The following SUMF1 variants were observed in gnomAD, a reference collection of about 807,000 sequenced individuals.
SUMF1 encodes sulfatase modifying factor 1.
A neutral mutation model predicts 47.6 loss-of-function variants in SUMF1; 48 were observed. The ratio of observed to expected loss-of-function variants is 1.01; its 90% CI spans 0.80 to 1.28. SUMF1 has a LOEUF of 1.28. Among genes scored for constraint, SUMF1 ranks in the 50% most tolerant of loss-of-function variants. The probability of loss-of-function intolerance (pLI) is 0.00; values close to 1 mark genes in which losing one functional copy is unlikely to be tolerated. For synonymous variants in SUMF1, 230 were observed against 192.1 expected, an observed-to-expected ratio of 1.20 and a Z score of -1.63; for missense variants, 571 against 485.4, an observed-to-expected ratio of 1.18 and a Z score of -1.66.
intron 8 of SUMF1, among the ~76,000 whole-genome samples, chr3:4,083,883 A>C (rs914444414): frequency 6.6e-6 from 1 of 151,212 alleles, no homozygotes; most frequent in Non-Finnish European, 1.5e-5. Context: ...TGTAGGATTA[A>C]GGTGTTCACC....
At position 4,449,324 on chromosome 3, in the gene SUMF1, T is replaced by A. The variant is rs763859426; in HGVS notation, c.461A>T (p.Asp154Val). 7.4e-6 allele frequency: 12 copies of A among 1,613,754 alleles called. 1 individual carries two copies. The South Asian group carries it at 1.3e-4, about 18-fold the overall frequency. The stretch of plus-strand genomic sequence containing the variant: ...CAACATGCCTTCAAAGACAAAGGAG[T>A]CGCCAAACTTCTCAGCCTATAAGGA... ...GYLTEAEKFG[D>V]SFVFEGMLSE... Residue 154 changes from aspartate (D) to valine (V), a missense_variant, in exon 3 of 9, where the codon GAC (aspartate) becomes GTC (valine). By Grantham distance (152) the Asp-to-Val change is radical. Coordinates refer to ENST00000272902, the MANE Select transcript of SUMF1 (RefSeq NM_182760.4).
intron 8 of SUMF1, among the ~76,000 whole-genome samples, chr3:4,289,029 C>T (rs555915144): frequency 6.6e-6 from 1 of 152,346 alleles, no homozygotes; most frequent in South Asian, 2.1e-4. Flanking sequence ...TTTTCTGCTA[C>T]AGTACATAGC....
intron 8 of SUMF1, among the ~76,000 whole-genome samples, chr3:4,115,487 C>T (rs1310690608): frequency 6.6e-6 from 1 of 151,982 alleles, no homozygotes; most frequent in Non-Finnish European, 1.5e-5. Flanking sequence ...TAACACACAC[C>T]CACTGGGGCT....
chr3:4,354,381 G>A (rs1333603229), intron 8 of SUMF1, among the ~76,000 whole-genome samples: 1 of 152,004 alleles, frequency 6.6e-6, no homozygotes, highest in Non-Finnish European at 1.5e-5. Flanking sequence ...CTCCCTTTTC[G>A]TTTTTCCTTC....
intron 8 of SUMF1, among the ~76,000 whole-genome samples, chr3:4,289,835 T>C (rs756619771): frequency 1.3e-5 from 2 of 152,206 alleles, no homozygotes; most frequent in African/African-American, 2.4e-5. Context: ...ACACGCTGAA[T>C]AACTACATGA....
intron 8 of SUMF1, among the ~76,000 whole-genome samples, chr3:4,211,093 A>ATATAT (rs1473701896): frequency 1.5e-5 from 1 of 68,620 alleles, no homozygotes; most frequent in Non-Finnish European, 3.2e-5. Context: ...AATACTCCTT[A>ATATAT]ATAAACTCCC....
chr3:4,064,134 G>T (rs1294883603), intron 9 of SUMF1, among the ~76,000 whole-genome samples: 1 of 152,046 alleles, frequency 6.6e-6, no homozygotes, highest in East Asian at 1.9e-4. Flanking sequence ...TTCCCCAGAG[G>T]TTAGGCATTC....
rs73120052 is a variant in SUMF1, at chr3:4,212,584, T to A, written c.1015-143839A>T. 8.0e-3 allele frequency among the ~76,000 whole-genome samples: 1,224 copies of A among 152,160 alleles called. 18 individuals carry two copies. Among genetic ancestry groups the A allele is most frequent in the African/African-American group, 0.028 (1,172 of 41,522 alleles). ...GTTTGATGAATTGACAGAAGTAAGC[T>A]TTAGAAGGTGGTAAATAACAAACTC... is the stretch of plus-strand genomic sequence containing the variant. On this transcript the variant is annotated intron_variant and NMD_transcript_variant, in intron 8 of 12. Coordinates refer to the SUMF1 transcript ENST00000448413.
chr3:4,432,099 T>TGAAA (rs1389031196), intron 3 of SUMF1, among the ~76,000 whole-genome samples: 8 of 152,038 alleles, frequency 5.3e-5, no homozygotes, highest in African/African-American at 1.9e-4. Flanking sequence ...CAAGTTCTTT[T>TGAAA]TCCATCATCT....
intron 9 of SUMF1, among the ~76,000 whole-genome samples, chr3:4,068,367 A>G (rs1014415466): frequency 6.6e-6 from 1 of 152,202 alleles, no homozygotes; most frequent in Admixed American, 6.5e-5. Flanking sequence ...CCACATTATC[A>G]AAGTTTCAAA....
intron 8 of SUMF1, among the ~76,000 whole-genome samples, chr3:4,144,964 C>T (rs980371471): frequency 3.3e-5 from 5 of 151,972 alleles, no homozygotes; most frequent in Non-Finnish European, 7.4e-5. Context: ...CTTTGGGAGG[C>T]CAAGGCAGGT....
At chr3:4,103,411 C>G (rs766503528) in intron 8 of SUMF1, among the ~76,000 whole-genome samples, 21 of 151,940 alleles carry the variant, frequency 1.4e-4, no homozygotes, top group Non-Finnish European at 1.8e-4. Context: ...ATATGAAGGT[C>G]AGCATGGCTG....
At chr3:4,368,100 T>A (rs1700040490) in intron 8 of SUMF1, among the ~76,000 whole-genome samples, 1 of 152,174 alleles carries the variant, frequency 6.6e-6, no homozygotes, top group Non-Finnish European at 1.5e-5. Context: ...GACAAAGGGC[T>A]AATATTTAGA....
intron 8 of SUMF1, among the ~76,000 whole-genome samples, chr3:4,367,412 A>G (rs555074534): frequency 2.0e-4 from 30 of 152,340 alleles, no homozygotes; most frequent in African/African-American, 7.0e-4. Context: ...TATACTGCCC[A>G]AGGTAATTTA....
intron 8 of SUMF1, among the ~76,000 whole-genome samples, chr3:4,273,458 A>G (rs1381217176): frequency 2.0e-5 from 3 of 152,190 alleles, no homozygotes; most frequent in East Asian, 3.9e-4. Flanking sequence ...AAATGTCTAG[A>G]AAAATATCTA....
chr3:4,380,565 T>C (rs1464503873), intron 7 of SUMF1, among the ~76,000 whole-genome samples: 1 of 152,134 alleles, frequency 6.6e-6, no homozygotes, highest in Non-Finnish European at 1.5e-5. Flanking sequence ...ATCCATCCTT[T>C]GCACTTAAAA....
intron 8 of SUMF1, among the ~76,000 whole-genome samples, chr3:4,351,227 C>G (rs997950753): frequency 2.7e-5 from 4 of 148,878 alleles, no homozygotes; most frequent in Non-Finnish European, 5.9e-5. Context: ...GGTCTCCCCA[C>G]CCTCCCTGCT....
intron 8 of SUMF1, among the ~76,000 whole-genome samples, chr3:4,298,222 C>A (rs545510319): frequency 5.3e-5 from 8 of 152,186 alleles, no homozygotes; most frequent in African/African-American, 1.9e-4. Flanking sequence ...GTTTGCAGAA[C>A]AAATTCTGAA....
intron 2 of SUMF1, among the ~76,000 whole-genome samples, chr3:4,449,948 C>A (rs1367078284): frequency 2.6e-5 from 4 of 152,200 alleles, no homozygotes; most frequent in African/African-American, 9.7e-5. Context: ...CATGACTCTC[C>A]TCCTACATTT....
Sources: gnomAD v4.1 joint callset for allele counts (sites outside exome capture counted in the v4.1 genomes callset) on GRCh38, gnomAD v4.1.1 for gene constraint, MANE v1.5 for transcripts, NCBI Gene and HGNC (gene_info 2026-07-23, HGNC 2026-07-21) for gene names.